The following ATXN1 variants were observed in gnomAD, a reference collection of about 807,000 sequenced individuals.
ATXN1 encodes ataxin 1.
A neutral mutation model predicts 56.4 loss-of-function variants in ATXN1; 8 were observed. The ratio of observed to expected loss-of-function variants is 0.14; its 90% CI spans 0.08 to 0.26. The LOEUF (loss-of-function observed/expected upper bound fraction) is 0.26, where lower values mean the gene tolerates loss of function less well. Ranked by LOEUF, ATXN1 falls within the 10% of genes least tolerant of loss-of-function variation. The probability of loss-of-function intolerance (pLI) is 1.00; values close to 1 mark genes in which losing one functional copy is unlikely to be tolerated. For synonymous variants in ATXN1, 514 were observed against 494.6 expected (o/e 1.04, Z -0.52); for missense variants, 987 against 1,106.5 (o/e 0.89, Z 1.53).
chr6:16,683,853 G>T (rs946966770), intron 2 of ATXN1, among the ~76,000 whole-genome samples: 5 of 152,174 alleles, frequency 3.3e-5, no homozygotes, highest in African/African-American at 9.7e-5. Flanking sequence ...CCTGCCCTGA[G>T]ATATTATCTG....
chr6:16,322,600 G>A (rs183426234), intron 7 of ATXN1, among the ~76,000 whole-genome samples: 2 of 152,326 alleles, frequency 1.3e-5, no homozygotes, highest in East Asian at 3.9e-4. Flanking sequence ...AGTGTCAGCA[G>A]TGCCTAACCA....
chr6:16,404,683 TGCACGCGCACTCGC>T (rs1236553534), intron 6 of ATXN1, among the ~76,000 whole-genome samples: 2 of 152,150 alleles, frequency 1.3e-5, no homozygotes, highest in Non-Finnish European at 2.9e-5. Flanking sequence ...CATACGCACA[TGCACGCGCACTCGC>T]GCGCGCGCAC....
At chr6:16,485,466 C>T (rs1419528753) in intron 6 of ATXN1, 1 of 152,212 alleles carries the variant, frequency 6.6e-6, no homozygotes, top group African/African-American at 2.4e-5. Context: ...CCAAACATAA[C>T]TGCTTGTAAC....
At chr6:16,415,496 C>T (rs1021016352) in intron 6 of ATXN1, among the ~76,000 whole-genome samples, 2 of 152,220 alleles carry the variant, frequency 1.3e-5, no homozygotes, top group Admixed American at 6.5e-5. Flanking sequence ...TCCCAAAGTG[C>T]TGGGATTACA....
At chr6:16,643,673 G>C (rs1315997051) in intron 3 of ATXN1, among the ~76,000 whole-genome samples, 8 of 149,706 alleles carry the variant, frequency 5.3e-5, no homozygotes, top group Non-Finnish European at 1.0e-4. Context: ...GCAGGACTAT[G>C]AGCCTGCTTG....
chr6:16,717,508 C>T (rs1165561585), intron 2 of ATXN1, among the ~76,000 whole-genome samples: 5 of 152,242 alleles, frequency 3.3e-5, no homozygotes, highest in Non-Finnish European at 2.9e-5. Flanking sequence ...GCTGCTGATA[C>T]CTGCAGCCAG....
intron 3 of ATXN1, among the ~76,000 whole-genome samples, chr6:16,639,968 T>C (rs1763678365): frequency 6.6e-6 from 1 of 152,216 alleles, no homozygotes; most frequent in South Asian, 2.1e-4. Flanking sequence ...GAACGTTATT[T>C]TTTTTTAATG....
intron 2 of ATXN1, among the ~76,000 whole-genome samples, chr6:16,702,070 C>T (rs1759297358): frequency 1.3e-5 from 2 of 152,000 alleles, no homozygotes; most frequent in South Asian, 4.2e-4. Context: ...CATCACACTA[C>T]CTGACTTCAA....
At chr6:16,378,541 A>G (rs1019557477) in intron 6 of ATXN1, among the ~76,000 whole-genome samples, 4 of 98,782 alleles carry the variant, frequency 4.0e-5, no homozygotes, top group African/African-American at 8.8e-5. Flanking sequence ...TCTTGACTTT[A>G]TTTATTTATT....
intron 6 of ATXN1, among the ~76,000 whole-genome samples, chr6:16,344,647 T>C (rs1452640653): frequency 1.3e-5 from 2 of 152,262 alleles, no homozygotes; most frequent in African/African-American, 4.8e-5. Flanking sequence ...GGCCACAGGC[T>C]GAAGGCTGCA....
intron 2 of ATXN1, among the ~76,000 whole-genome samples, chr6:16,732,396 C>T (rs1357051037): frequency 6.6e-6 from 1 of 152,126 alleles, no homozygotes; most frequent in Non-Finnish European, 1.5e-5. Flanking sequence ...CATGGTGAAA[C>T]CCCGTCTCTA....
chr6:16,540,951 A>C (rs1417690317), intron 4 of ATXN1, among the ~76,000 whole-genome samples: 2 of 152,236 alleles, frequency 1.3e-5, no homozygotes, highest in African/African-American at 4.8e-5. Context: ...TTTTGAAATA[A>C]GGAAAATGAG....
intron 2 of ATXN1, among the ~76,000 whole-genome samples, chr6:16,672,963 A>G (rs1292297046): frequency 1.3e-5 from 2 of 150,530 alleles, no homozygotes; most frequent in African/African-American, 4.9e-5. Flanking sequence ...GCACTGAGCC[A>G]ATATGTGCCA....
intron 2 of ATXN1, among the ~76,000 whole-genome samples, chr6:16,668,755 A>G (rs536525194): frequency 7.2e-5 from 11 of 151,996 alleles, no homozygotes; most frequent in Non-Finnish European, 1.3e-4. Flanking sequence ...GAATGCCACA[A>G]ACTGGTATGG....
chr6:16,718,736 G>C (rs922370617), intron 2 of ATXN1, among the ~76,000 whole-genome samples: 1 of 152,204 alleles, frequency 6.6e-6, no homozygotes, highest in African/African-American at 2.4e-5. Context: ...TTCCCCTGCT[G>C]TTTAGTTTTC....
At chr6:16,403,122 C>T (rs1018609868) in intron 6 of ATXN1, among the ~76,000 whole-genome samples, 1 of 152,132 alleles carries the variant, frequency 6.6e-6, no homozygotes, top group Admixed American at 6.5e-5. Flanking sequence ...GTCACACATG[C>T]ACACACATGT....
intron 2 of ATXN1, among the ~76,000 whole-genome samples, chr6:16,743,906 G>C (rs1181647118): frequency 1.3e-5 from 2 of 152,182 alleles, no homozygotes; most frequent in African/African-American, 4.8e-5. Context: ...GAGTGATGAG[G>C]CTGGAGAGAT....
At chr6:16,504,023 T>A (rs2113676761) in intron 5 of ATXN1, among the ~76,000 whole-genome samples, 1 of 152,264 alleles carries the variant, frequency 6.6e-6, no homozygotes, top group East Asian at 1.9e-4. Flanking sequence ...ATCTAGGGTG[T>A]GGGGTACCCA....
intron 3 of ATXN1, among the ~76,000 whole-genome samples, chr6:16,604,909 G>A (rs1402534592): frequency 6.6e-6 from 1 of 152,108 alleles, no homozygotes; most frequent in African/African-American, 2.4e-5. Context: ...TTGGAAAAGA[G>A]GAAAACGGAA....
Sources: allele counts gnomAD v4.1 joint callset (sites outside exome capture counted in the v4.1 genomes callset), GRCh38; gene constraint gnomAD v4.1.1; transcripts MANE v1.5; gene names NCBI Gene and HGNC (gene_info 2026-07-23, HGNC 2026-07-21).